ZNF728: variants seen among roughly 807,000 people sequenced by gnomAD.
ZNF728 encodes zinc finger protein 728.
ZNF728 carries 12 observed loss-of-function variants against 12.5 expected under a neutral mutation model. The ratio of observed to expected loss-of-function variants is 0.96; its 90% CI spans 0.61 to 1.55. The LOEUF is 1.55. Among genes scored for constraint, ZNF728 ranks in the 40% most tolerant of loss-of-function variants. ZNF728 has a pLI of 0.00. For missense variants in ZNF728, 692 were observed against 719.2 expected (o/e 0.96, Z 0.43); for synonymous variants, 205 against 240.7 (o/e 0.85, Z 1.37).
At chr19:22,993,024 C>A (rs1465165548) in intron 1 of ZNF728, among the ~76,000 whole-genome samples, 1 of 152,170 alleles carries the variant, frequency 6.6e-6, no homozygotes, top group Non-Finnish European at 1.5e-5. Flanking sequence ...GACAAGAATA[C>A]TTTACTCCAG....
Position 22,977,100 on chromosome 19 carries a change from A to T in ZNF728, c.237T>A (p.Ser79=), listed in dbSNP as rs779147964. Residue 79 remains serine, a synonymous_variant, in exon 4 of 4, where the codon TCT becomes TCA. Transcript: ENST00000594710. ...CTGGCCAAAGGTCTTGAGCAAAATG[A>T]GAACATATAACTGAAAAGAAATAAA... ...ELVKEPPVIC[S]HFAQDLWPEQ... The T allele has an allele frequency of 3.2e-6, 5 of 1,568,766 alleles. No homozygotes were observed. The highest frequency in any genetic ancestry group is 3.4e-6 in the Non-Finnish European group (4 of 1,162,464).
intron 1 of ZNF728, among the ~76,000 whole-genome samples, chr19:22,991,827 G>C (rs1968991589): frequency 6.6e-6 from 1 of 152,070 alleles, no homozygotes; most frequent in African/African-American, 2.4e-5. Context: ...GTACAATTCT[G>C]TTCTCTATGC....
intron 3 of ZNF728, among the ~76,000 whole-genome samples, chr19:22,986,768 CTG>C (rs1437216939): frequency 6.6e-6 from 1 of 151,606 alleles, no homozygotes; most frequent in African/African-American, 2.4e-5. Flanking sequence ...CTACAAGAAA[CTG>C]TGAATAGCCA....
chr19:22,988,263 A>G, intron 2 of ZNF728, 62 bp downstream of exon 2: 1 of 1,611,448 alleles, frequency 6.2e-7, no homozygotes, highest in Non-Finnish European at 8.5e-7. Context: ...AGGCCAATAA[A>G]GTCCACAGCA....
chr19:22,990,005 T>C (rs1968967988), intron 1 of ZNF728, among the ~76,000 whole-genome samples: 1 of 152,206 alleles, frequency 6.6e-6, no homozygotes, highest in Non-Finnish European at 1.5e-5. Flanking sequence ...ATTTTAAATA[T>C]TGCAGATTAT....
At position 22,975,447 on chromosome 19, in the gene ZNF728, T is replaced by C; in HGVS notation, c.*21A>G. 6.6e-7 allele frequency: 1 copy of C among 1,521,792 alleles called. No homozygotes were observed. Among genetic ancestry groups the C allele is most frequent in the East Asian group, 2.3e-5 (1 of 42,760 alleles). 94.3% of individuals were successfully genotyped at this position (1,521,792 alleles called of 1,614,324 possible). On this transcript the variant is annotated 3_prime_UTR_variant, in exon 4 of 4. Coordinates refer to ENST00000594710, the MANE Select transcript of ZNF728 (RefSeq NM_001267716.2). ...ATGTTCAGTAAGGGTTAAGAACTAA[T>C]TGAAAGCTTTGCCACATTTTTCACA...
At position 22,976,052 on chromosome 19, in the gene ZNF728, A is replaced by G; in HGVS notation, c.1285T>C (p.Cys429Arg). The G allele has an allele frequency of 6.2e-7, 1 of 1,606,002 alleles. No individual in the cohort carries two copies. Among genetic ancestry groups the G allele is most frequent in the Non-Finnish European group, 8.5e-7 (1 of 1,175,486 alleles). ...GAAAATGTAGTAAAGGCTTTGCCAC[A>G]TTCTTCACATTTGTAGGGTTTCTCT... The part of the protein sequence containing the change: ...TGEKPYKCEE[C>R]GKAFTTFSSL... Residue 429 changes from cysteine (C) to arginine (R), a missense_variant, in exon 4 of 4, where the codon TGT becomes CGT. By Grantham distance (180) the Cys-to-Arg change is radical. This residue lies in a region of ZNF728 where 244 missense variants were observed against 235.2 expected (regional missense o/e 1.04). Coordinates refer to ENST00000594710, the MANE Select transcript of ZNF728 (RefSeq NM_001267716.2).
intron 3 of ZNF728, among the ~76,000 whole-genome samples, chr19:22,978,805 C>G (rs1392604294): frequency 6.6e-6 from 1 of 151,388 alleles, no homozygotes; most frequent in African/African-American, 2.4e-5. Flanking sequence ...CAGAAAGGAA[C>G]AGAAGCAACA....
chr19:22,987,251 GC>G, intron 3 of ZNF728, 56 bp downstream of exon 3: 1 of 1,505,714 alleles, frequency 6.6e-7, no homozygotes, highest in Non-Finnish European at 9.0e-7. Context: ...TTAAGGACTG[GC>G]TTTCTCCTTG....
chr19:23,000,887 CAAA>C (rs150522126), intron 1 of ZNF728, among the ~76,000 whole-genome samples: 36,730 of 125,344 alleles, frequency 0.29, 5,744 homozygotes, highest in African/African-American at 0.5. Context: ...AAAAAAAAAC[CAAA>C]AAAAAAAAAA....
intron 1 of ZNF728, among the ~76,000 whole-genome samples, chr19:22,989,541 A>G (rs1438680269): frequency 7.2e-5 from 11 of 152,200 alleles, no homozygotes; most frequent in Admixed American, 7.2e-4. Context: ...CGGAGAGCTT[A>G]TCAACCAAGT....
At chr19:22,984,449 C>T (rs1342286463) in intron 3 of ZNF728, among the ~76,000 whole-genome samples, 2 of 151,420 alleles carry the variant, frequency 1.3e-5, no homozygotes, top group Non-Finnish European at 2.9e-5. Flanking sequence ...GTCCCAGCTA[C>T]TCAGGAGGCT....
At chr19:22,997,216 C>T (rs950298398) in intron 1 of ZNF728, among the ~76,000 whole-genome samples, 2 of 152,158 alleles carry the variant, frequency 1.3e-5, no homozygotes, top group African/African-American at 4.8e-5. Context: ...TTCTCATCAC[C>T]ACGTGGCACA....
intron 3 of ZNF728, among the ~76,000 whole-genome samples, chr19:22,983,674 C>T (rs1050435225): frequency 3.9e-5 from 6 of 152,066 alleles, no homozygotes; most frequent in Non-Finnish European, 7.4e-5. Flanking sequence ...TACTATGCAG[C>T]CATAAAAAAG....
At position 22,979,198 on chromosome 19, in the gene ZNF728, T is replaced by A. The variant is rs6511396; in HGVS notation, c.227-2088A>T. ...CCTGATGGAGATGAAAAACACAGCATGAGAACTTCGTGATACATGCAAAAG... is the reference window on the plus strand; with the variant it reads ...CCTGATGGAGATGAAAAACACAGCAAGAGAACTTCGTGATACATGCAAAAG... On this transcript the variant is annotated intron_variant, in intron 3 of 3. Transcript: ENST00000594710. Among the ~76,000 whole-genome samples, 1,500 of 152,080 alleles carry A rather than the reference T, an allele frequency of 9.9e-3. 32 individuals are homozygous for A. Among genetic ancestry groups the A allele is most frequent in the African/African-American group, 0.034 (1,428 of 41,504 alleles).
At chr19:22,986,608 T>C (rs1211418338) in intron 3 of ZNF728, among the ~76,000 whole-genome samples, 1 of 152,104 alleles carries the variant, frequency 6.6e-6, no homozygotes, top group East Asian at 1.9e-4. Context: ...CACAAATAAA[T>C]TGAAATATAT....
intron 1 of ZNF728, among the ~76,000 whole-genome samples, chr19:22,989,581 A>C (rs1171323871): frequency 6.6e-6 from 1 of 152,110 alleles, no homozygotes; most frequent in Non-Finnish European, 1.5e-5. Context: ...CACTAGAACA[A>C]ATTTTTATAA....
intron 1 of ZNF728, among the ~76,000 whole-genome samples, chr19:22,990,790 A>T (rs1429018603): frequency 1.3e-5 from 2 of 151,964 alleles, no homozygotes; most frequent in Admixed American, 6.6e-5. Context: ...GGGCACAAGT[A>T]AAAAGAGTTC....
intron 3 of ZNF728, among the ~76,000 whole-genome samples, chr19:22,986,188 C>T (rs564410536): frequency 3.9e-5 from 6 of 152,196 alleles, no homozygotes; most frequent in South Asian, 2.1e-4. Flanking sequence ...GAGGTGTTTG[C>T]GCCTTCAAAT....
Sources: allele counts gnomAD v4.1 joint callset (sites outside exome capture counted in the v4.1 genomes callset), GRCh38; gene constraint gnomAD v4.1.1; regional missense constraint gnomAD v4.1.1; transcripts MANE v1.5; gene names NCBI Gene and HGNC (gene_info 2026-07-23, HGNC 2026-07-21).